Variants in GREM2 observed in about 807,000 individuals in gnomAD.
GREM2 encodes gremlin 2, DAN family BMP antagonist, also known as gremlin-2.
GREM2 carries 11 observed loss-of-function variants against 14.2 expected under a neutral mutation model. The ratio of observed to expected loss-of-function variants is 0.78; its 90% CI spans 0.49 to 1.28. The LOEUF is 1.28. GREM2 is among the 50% of genes most tolerant of loss of function. GREM2 has a pLI of 0.00. For missense variants in GREM2, 210 were observed against 218.5 expected (o/e 0.96, Z 0.24); for synonymous variants, 98 against 97.6 (o/e 1.00, Z -0.02).
At chr1:240,550,428 C>A (rs1329862588) in intron 1 of GREM2, 2 of 152,362 alleles carry the variant, frequency 1.3e-5, no homozygotes, top group Non-Finnish European at 2.9e-5. Context: ...AACAAACAAA[C>A]AAACTCCTGG....
At chr1:240,556,263 T>A (rs921577589) in intron 1 of GREM2, among the ~76,000 whole-genome samples, 2 of 152,168 alleles carry the variant, frequency 1.3e-5, no homozygotes, top group Non-Finnish European at 2.9e-5. Context: ...CCTCCCCAGC[T>A]CAGCCCCCAG....
At chr1:240,611,110 G>A (rs1241078553) in intron 1 of GREM2, among the ~76,000 whole-genome samples, 1 of 151,020 alleles carries the variant, frequency 6.6e-6, no homozygotes, top group African/African-American at 2.4e-5. Flanking sequence ...ATGAGTTTTA[G>A]GATCAAATAA....
At chr1:240,555,987 C>T (rs2103343929) in intron 1 of GREM2, among the ~76,000 whole-genome samples, 1 of 152,244 alleles carries the variant, frequency 6.6e-6, no homozygotes, top group East Asian at 1.9e-4. Context: ...CTTTCCAACA[C>T]CTCTTTACAG....
At chr1:240,594,618 C>T (rs1183036547) in intron 1 of GREM2, among the ~76,000 whole-genome samples, 1 of 152,012 alleles carries the variant, frequency 6.6e-6, no homozygotes, top group African/African-American at 2.4e-5. Context: ...TGTTCTTTGG[C>T]ATAGATCTTC....
intron 1 of GREM2, among the ~76,000 whole-genome samples, chr1:240,552,524 GTTT>G (rs1678872381): frequency 6.6e-6 from 1 of 152,192 alleles, no homozygotes; most frequent in Non-Finnish European, 1.5e-5. Context: ...GAGCCCAAGA[GTTT>G]GAGATTACAG....
At chr1:240,531,212 C>T (rs1678351708) in intron 1 of GREM2, among the ~76,000 whole-genome samples, 1 of 152,210 alleles carries the variant, frequency 6.6e-6, no homozygotes, top group Non-Finnish European at 1.5e-5. Flanking sequence ...TTTTTCCCCA[C>T]TTTCTGGCAC....
In GREM2 at chr1:240,510,296, G is replaced by T. The variant is rs555091010; in HGVS notation, c.-1-16820C>A. On this transcript the variant is annotated intron_variant, in intron 1 of 1. Coordinates refer to ENST00000318160, the MANE Select transcript of GREM2 (RefSeq NM_022469.4). ...GAGGCAGGAGAATGGCGTGAACCGG[G>T]GAGGCGGAGCTTGCACTGAGCAGAG... 2.7e-5 allele frequency among the ~76,000 whole-genome samples: 4 copies of T among 148,294 alleles called. 1 individual carries two copies. The highest frequency in any genetic ancestry group is 3.5e-3 in the Middle Eastern group (1 of 284).
At chr1:240,551,340 T>G (rs952864333) in intron 1 of GREM2, among the ~76,000 whole-genome samples, 1 of 46,736 alleles carries the variant, frequency 2.1e-5, no homozygotes, top group Non-Finnish European at 4.2e-5. Context: ...TACCTTGTGT[T>G]TTTTTTTGTT....
intron 1 of GREM2, among the ~76,000 whole-genome samples, chr1:240,594,560 A>G (rs1679785586): frequency 6.6e-6 from 1 of 152,214 alleles, no homozygotes; most frequent in African/African-American, 2.4e-5. Flanking sequence ...GTAATCCAAA[A>G]GAAGATTTAA....
intron 1 of GREM2, among the ~76,000 whole-genome samples, chr1:240,502,216 C>G (rs902442476): frequency 8.5e-5 from 13 of 152,244 alleles, no homozygotes; most frequent in South Asian, 4.2e-4. Flanking sequence ...ATATCCTGTC[C>G]ATGCAACCCA....
At chr1:240,591,616 T>C (rs890294000) in intron 1 of GREM2, among the ~76,000 whole-genome samples, 4 of 152,186 alleles carry the variant, frequency 2.6e-5, no homozygotes, top group African/African-American at 9.6e-5. Context: ...TTATTTCAAC[T>C]AAGTGCTAGG....
chr1:240,519,549 AT>A (rs1458827165), intron 1 of GREM2, among the ~76,000 whole-genome samples: 1 of 152,208 alleles, frequency 6.6e-6, no homozygotes. Flanking sequence ...CATATACGGT[AT>A]TCACGTAACA....
At chr1:240,556,396 C>T (rs1433532291) in intron 1 of GREM2, among the ~76,000 whole-genome samples, 1 of 152,184 alleles carries the variant, frequency 6.6e-6, no homozygotes, top group Non-Finnish European at 1.5e-5. Flanking sequence ...TTAGATCACT[C>T]TGCAGTGCAT....
chr1:240,518,141 T>C (rs1677990939), intron 1 of GREM2, among the ~76,000 whole-genome samples: 1 of 152,204 alleles, frequency 6.6e-6, no homozygotes, highest in Admixed American at 6.5e-5. Flanking sequence ...GTCACTTTTA[T>C]TCATTTCCAC....
At chr1:240,563,077 ATG>A (rs1165031838) in intron 1 of GREM2, among the ~76,000 whole-genome samples, 1 of 136,938 alleles carries the variant, frequency 7.3e-6, no homozygotes, top group African/African-American at 2.7e-5. Flanking sequence ...ATGTGTGTAT[ATG>A]TGAGTGTGTG....
chr1:240,561,972 T>C (rs997584095), intron 1 of GREM2, among the ~76,000 whole-genome samples: 4 of 152,176 alleles, frequency 2.6e-5, no homozygotes, highest in Non-Finnish European at 4.4e-5. Flanking sequence ...CTTTTCACCT[T>C]GTAAACCACT....
At chr1:240,547,287 G>T (rs369038769) in intron 1 of GREM2, among the ~76,000 whole-genome samples, 105 of 151,884 alleles carry the variant, frequency 6.9e-4, no homozygotes, top group African/African-American at 1.7e-3. Context: ...GATCACGAGG[G>T]CAGGAGATCA....
intron 1 of GREM2, among the ~76,000 whole-genome samples, chr1:240,581,021 G>C (rs60489559): frequency 6.6e-6 from 1 of 152,022 alleles, no homozygotes; most frequent in Non-Finnish European, 1.5e-5. Flanking sequence ...AGGCTGAGGC[G>C]GGTAGATCAC....
intron 1 of GREM2, among the ~76,000 whole-genome samples, chr1:240,591,059 C>A (rs67033442): frequency 6.6e-6 from 1 of 151,816 alleles, no homozygotes; most frequent in Non-Finnish European, 1.5e-5. Flanking sequence ...GGATTACAGG[C>A]GTGAGCCACC....
Sources: gnomAD v4.1 joint callset for allele counts (sites outside exome capture counted in the v4.1 genomes callset) on GRCh38, gnomAD v4.1.1 for gene constraint, MANE v1.5 for transcripts, NCBI Gene and HGNC (gene_info 2026-07-23, HGNC 2026-07-21) for gene names.